CD44: variants seen among roughly 807,000 people sequenced by gnomAD.
The protein encoded by CD44 is CD44 antigen.
CD44 carries 49 observed loss-of-function variants against 88.8 expected under a neutral mutation model. That is an observed-to-expected ratio of 0.55 (90% CI 0.44 to 0.70). CD44 has a LOEUF of 0.70. Among genes scored for constraint, CD44 ranks in the 30% least tolerant of loss-of-function variants. The pLI is 0.00. For synonymous variants in CD44, 325 were observed against 312.3 expected (o/e 1.04, Z -0.43); for missense variants, 883 against 913.8 (o/e 0.97, Z 0.43).
chr11:35,140,418 A>C lies in CD44; in HGVS notation c.67+1048A>C, dbSNP rs746662217. On this transcript the variant is annotated intron_variant, in intron 1 of 17. Coordinates refer to ENST00000428726, the MANE Select transcript of CD44 (RefSeq NM_000610.4). The stretch of plus-strand genomic sequence containing the variant: ...GGGTCATTAAGACAGCTCAGCCTGC[A>C]TGCAGTAAATTCTACTCAGCAAATA... Among the ~76,000 whole-genome samples, 51 of 152,238 alleles carry C rather than the reference A, an allele frequency of 3.4e-4. 1 individual carries two copies. The highest frequency in any genetic ancestry group is 1.2e-3 in the Admixed American group (19 of 15,284).
At chr11:35,184,478 A>G (rs774133287) in intron 3 of CD44, among the ~76,000 whole-genome samples, 2 of 152,234 alleles carry the variant, frequency 1.3e-5, no homozygotes, top group Non-Finnish European at 2.9e-5. Context: ...TACAAATATC[A>G]GAAGCATCTC....
intron 1 of CD44, among the ~76,000 whole-genome samples, chr11:35,167,277 T>TTTTTGTTTTTTGTTTGTTTTG (rs1943401548): frequency 6.6e-6 from 1 of 152,136 alleles, no homozygotes; most frequent in Non-Finnish European, 1.5e-5. Flanking sequence ...TGTGTTTTTG[T>TTTTTGTTTTTTGTTTGTTTTG]TTTTGTTTTT....
chr11:35,213,005 G>A (rs1190910715), intron 14 of CD44, among the ~76,000 whole-genome samples: 1 of 151,342 alleles, frequency 6.6e-6, no homozygotes, highest in Non-Finnish European at 1.5e-5. Context: ...TTTATTTTTA[G>A]TAGAAATGGG....
intron 1 of CD44, among the ~76,000 whole-genome samples, chr11:35,141,046 G>T (rs1037499952): frequency 2.0e-5 from 3 of 151,876 alleles, no homozygotes; most frequent in African/African-American, 7.3e-5. Context: ...TACAGTGCTA[G>T]CTACCATTTA....
At chr11:35,177,435 A>T (rs1944581616) in intron 2 of CD44, among the ~76,000 whole-genome samples, 1 of 152,208 alleles carries the variant, frequency 6.6e-6, no homozygotes, top group Non-Finnish European at 1.5e-5. Context: ...AGAGCAAGCC[A>T]CGGTGGCAAT....
chr11:35,201,707 A>G lies in CD44; in HGVS notation c.1073A>G (p.Asn358Ser). 1 of 1,613,864 alleles carries G rather than the reference A, an allele frequency of 6.2e-7. No homozygotes were observed. Residue 358 changes from asparagine to serine, a missense_variant, in exon 9 of 18, where the codon AAC becomes AGC. Asn to Ser is a conservative substitution (Grantham distance 46). Coordinates refer to ENST00000428726, the MANE Select transcript of CD44 (RefSeq NM_000610.4). The stretch of plus-strand genomic sequence containing the variant: ...AATGGCACCACTGCTTATGAAGGAA[A>G]CTGGAACCCAGAAGCACACCCTCCC... ...DRNGTTAYEG[N>S]WNPEAHPPLI...
At chr11:35,219,461 G>A (rs1269711159) in intron 16 of CD44, 74 bp downstream of exon 16, 9 of 1,076,970 alleles carry the variant, frequency 8.4e-6, no homozygotes, top group Non-Finnish European at 1.1e-5. Flanking sequence ...AGGACGAAGA[G>A]ACTCATTTGA....
At chr11:35,181,899 A>AT (rs1565080451) in intron 3 of CD44, among the ~76,000 whole-genome samples, 13 of 62,464 alleles carry the variant, frequency 2.1e-4, no homozygotes, top group Non-Finnish European at 3.4e-4. Flanking sequence ...TATATAATAT[A>AT]ATATATAATA....
At chr11:35,229,020 A>G in intron 17 of CD44, 109 bp from the exon 18 acceptor site, 1 of 920,800 alleles carries the variant, frequency 1.1e-6, no homozygotes, top group Non-Finnish European at 1.7e-6. Context: ...CACACACTAA[A>G]GCCATCATAA....
intron 1 of CD44, among the ~76,000 whole-genome samples, chr11:35,165,157 C>T (rs1261241399): frequency 6.6e-6 from 1 of 152,170 alleles, no homozygotes; most frequent in African/African-American, 2.4e-5. Context: ...CCCATTAGCT[C>T]AGCTTGATTT....
At chr11:35,209,867 C>A in intron 12 of CD44, 98 bp from the exon 13 acceptor site, 1 of 718,154 alleles carries the variant, frequency 1.4e-6, no homozygotes. Context: ...TGCACCTATC[C>A]ATCTGACTCT....
At chr11:35,159,971 C>A (rs1423224202) in intron 1 of CD44, among the ~76,000 whole-genome samples, 4 of 152,148 alleles carry the variant, frequency 2.6e-5, no homozygotes, top group Non-Finnish European at 4.4e-5. Context: ...GAGCTCAAAA[C>A]AATTGAGAAC....
chr11:35,168,004 A>C (rs1157266774), intron 1 of CD44, among the ~76,000 whole-genome samples: 1 of 152,242 alleles, frequency 6.6e-6, no homozygotes, highest in Non-Finnish European at 1.5e-5. Flanking sequence ...GGGGAAAGCC[A>C]GTCAAGGTCA....
chr11:35,153,841 C>T (rs567856377), intron 1 of CD44, among the ~76,000 whole-genome samples: 1 of 152,350 alleles, frequency 6.6e-6, no homozygotes, highest in Non-Finnish European at 1.5e-5. Context: ...AGGATCCCCA[C>T]AATTCCTTGA....
chr11:35,163,511 C>T (rs1942900054), intron 1 of CD44, among the ~76,000 whole-genome samples: 1 of 152,122 alleles, frequency 6.6e-6, no homozygotes, highest in Non-Finnish European at 1.5e-5. Context: ...GAACAAATAT[C>T]CTTCATAGGA....
At chr11:35,199,225 T>C (rs1350866744) in intron 7 of CD44, among the ~76,000 whole-genome samples, 3 of 152,208 alleles carry the variant, frequency 2.0e-5, no homozygotes, top group Non-Finnish European at 4.4e-5. Context: ...TGGTACATAA[T>C]AGTATCCAAA....
chr11:35,148,364 C>T (rs2133108031), intron 1 of CD44, among the ~76,000 whole-genome samples: 1 of 152,344 alleles, frequency 6.6e-6, no homozygotes, highest in South Asian at 2.1e-4. Flanking sequence ...GGGCCCACAT[C>T]TGCCTGCAAG....
At chr11:35,191,600 C>T (rs984476850) in intron 5 of CD44, among the ~76,000 whole-genome samples, 17 of 152,048 alleles carry the variant, frequency 1.1e-4, no homozygotes, top group Non-Finnish European at 1.6e-4. Context: ...CGGATGTTAG[C>T]GAACACAATA....
In CD44 at chr11:35,229,582, A is replaced by T; in HGVS notation, c.*249A>T. ...CAAGAATTTGATCGTTCCAGTTCCC[A>T]CTTGGAGGCCTTTCATCCCTCGGGT... On this transcript the variant is annotated 3_prime_UTR_variant, in exon 18 of 18. Coordinates refer to ENST00000428726, the MANE Select transcript of CD44 (RefSeq NM_000610.4). 2.1e-6 allele frequency: 1 copy of T among 485,132 alleles called. No homozygotes were observed. The allele number at this position is 485,132 out of a possible 1,614,324, so 30.1% of individuals were successfully genotyped here.
Sources: allele counts gnomAD v4.1 joint callset (sites outside exome capture counted in the v4.1 genomes callset), GRCh38; gene constraint gnomAD v4.1.1; transcripts MANE v1.5; gene names NCBI Gene and HGNC (gene_info 2026-07-23, HGNC 2026-07-21).